KCNAB1: variants seen among roughly 807,000 people sequenced by gnomAD.
KCNAB1 encodes potassium voltage-gated channel subfamily A regulatory beta subunit 1.
KCNAB1 carries 35 observed loss-of-function variants against 64.6 expected under a neutral mutation model. That is an observed-to-expected ratio of 0.54 (90% CI 0.41 to 0.72). KCNAB1 has a LOEUF of 0.72. KCNAB1 is among the 30% of genes least tolerant of loss of function. KCNAB1 has a pLI of 0.00. For missense variants in KCNAB1, 401 were observed against 512.9 expected, an observed-to-expected ratio of 0.78 and a Z score of 2.11; for synonymous variants, 177 against 183.8, an observed-to-expected ratio of 0.96 and a Z score of 0.30.
At chr3:156,462,257 G>C (rs759148211) in intron 5 of KCNAB1, among the ~76,000 whole-genome samples, 1 of 152,182 alleles carries the variant, frequency 6.6e-6, no homozygotes, top group Non-Finnish European at 1.5e-5. Context: ...TATCCATATA[G>C]GCCAAATGTT....
intron 1 of KCNAB1, among the ~76,000 whole-genome samples, chr3:156,206,760 T>C (rs1714690875): frequency 6.6e-6 from 1 of 152,194 alleles, no homozygotes; most frequent in South Asian, 2.1e-4. Context: ...GACTTGTAGT[T>C]TTTCCTAAGT....
chr3:156,531,337 T>G (rs756501392), intron 12 of KCNAB1, 72 bp from the exon 13 acceptor site: 4 of 1,102,528 alleles, frequency 3.6e-6, no homozygotes, highest in Non-Finnish European at 5.6e-6. Flanking sequence ...CAAACAGCTG[T>G]AGCAGGTGTT....
chr3:156,197,631 A>G (rs1214771277), intron 1 of KCNAB1, among the ~76,000 whole-genome samples: 1 of 152,040 alleles, frequency 6.6e-6, no homozygotes, highest in African/African-American at 2.4e-5. Context: ...TTTCTGTGGG[A>G]CCAGTGGTGA....
In KCNAB1 at chr3:156,192,616, C is replaced by CT. The variant is rs888516472; in HGVS notation, c.275+71737dup. Among the ~76,000 whole-genome samples, 16 of 151,932 alleles carry CT rather than the reference C, an allele frequency of 1.1e-4. No individual in the cohort carries two copies. In the East Asian group the frequency reaches 1.9e-3, roughly 18 times the overall value. On this transcript the variant is annotated intron_variant, in intron 1 of 13. Coordinates refer to ENST00000490337, the MANE Select transcript of KCNAB1 (RefSeq NM_172160.3). ...TCTCCAAATGTGATGATAAATTTGC[C>CT]TTTTTTTGGCAATTCTATCAGTTTT...
intron 1 of KCNAB1, among the ~76,000 whole-genome samples, chr3:156,169,945 A>C (rs572320723): frequency 6.6e-6 from 1 of 152,280 alleles, no homozygotes; most frequent in South Asian, 2.1e-4. Context: ...TTCTGTTCAA[A>C]GTTCATTTTC....
intron 1 of KCNAB1, chr3:156,292,122 A>G: frequency 1.2e-6 from 2 of 1,613,896 alleles, no homozygotes; most frequent in Non-Finnish European, 1.7e-6. Context: ...ACTGGCATGA[A>G]ATATAGGTAT....
At chr3:156,241,732 T>A (rs1316852599) in intron 1 of KCNAB1, among the ~76,000 whole-genome samples, 1 of 152,176 alleles carries the variant, frequency 6.6e-6, no homozygotes, top group Non-Finnish European at 1.5e-5. Context: ...CTCTGTTTTT[T>A]TAAATTTATT....
intron 1 of KCNAB1, among the ~76,000 whole-genome samples, chr3:156,398,605 A>C (rs1007100875): frequency 5.9e-5 from 9 of 151,682 alleles, no homozygotes; most frequent in Non-Finnish European, 1.3e-4. Context: ...AAAAAAAAAA[A>C]AAACCTAGAT....
chr3:156,517,993 A>G (rs1447723266), intron 11 of KCNAB1, among the ~76,000 whole-genome samples: 2 of 152,364 alleles, frequency 1.3e-5, no homozygotes, highest in Non-Finnish European at 2.9e-5. Context: ...TTTTTAAAGG[A>G]GGAAGAAGTA....
intron 2 of KCNAB1, among the ~76,000 whole-genome samples, chr3:156,432,380 G>A (rs1309160909): frequency 6.6e-6 from 1 of 152,198 alleles, no homozygotes; most frequent in Admixed American, 6.5e-5. Context: ...CAAAGGATTA[G>A]TGAGACCTAA....
At chr3:156,263,542 A>G (rs1428620426) in intron 1 of KCNAB1, among the ~76,000 whole-genome samples, 1 of 152,058 alleles carries the variant, frequency 6.6e-6, no homozygotes, top group Non-Finnish European at 1.5e-5. Flanking sequence ...CTGGCCTAGC[A>G]TATGGTCCAT....
intron 1 of KCNAB1, among the ~76,000 whole-genome samples, chr3:156,310,579 A>G (rs548524925): frequency 1.3e-5 from 2 of 152,248 alleles, no homozygotes; most frequent in South Asian, 2.1e-4. Context: ...CAAGGGGGGC[A>G]GATCACGAGG....
intron 8 of KCNAB1, among the ~76,000 whole-genome samples, chr3:156,482,508 T>G (rs1714898008): frequency 6.9e-6 from 1 of 144,026 alleles, no homozygotes; most frequent in Non-Finnish European, 1.5e-5. Context: ...GTTATGGGGG[T>G]AGATTTTAGT....
In KCNAB1 at chr3:156,222,276, G is replaced by A. The variant is rs537907841; in HGVS notation, c.275+101390G>A. On this transcript the variant is annotated intron_variant, in intron 1 of 13. Transcript: ENST00000490337. ...TGGACACTAAAAGTGAGCAGAAGTA[G>A]CTATTCTTCTACCAGACAAAACAAA... Among the ~76,000 whole-genome samples the A allele has an allele frequency of 3.3e-5, 5 of 152,232 alleles. No homozygotes were observed. The East Asian group carries it at 9.6e-4, about 29-fold the overall frequency.
chr3:156,444,988 G>C (rs1261056636), intron 2 of KCNAB1, among the ~76,000 whole-genome samples: 8 of 152,254 alleles, frequency 5.3e-5, no homozygotes, highest in Non-Finnish European at 1.0e-4. Flanking sequence ...GAAGAAGAAA[G>C]GCAAGTCAGG....
At chr3:156,364,643 T>C (rs938526868) in intron 1 of KCNAB1, among the ~76,000 whole-genome samples, 9 of 152,192 alleles carry the variant, frequency 5.9e-5, no homozygotes, top group Non-Finnish European at 1.0e-4. Flanking sequence ...CCAGGTGTGG[T>C]GGTGCATGCC....
At chr3:156,157,497 T>A (rs911511400) in intron 1 of KCNAB1, among the ~76,000 whole-genome samples, 10 of 152,200 alleles carry the variant, frequency 6.6e-5, no homozygotes, top group African/African-American at 2.4e-4. Context: ...TAGAAAGACA[T>A]TGTGCTCTTA....
chr3:156,177,760 C>T lies in KCNAB1; in HGVS notation c.275+56874C>T, dbSNP rs150147576. Among the ~76,000 whole-genome samples, 156 of 149,266 alleles carry T rather than the reference C, an allele frequency of 1.0e-3. 1 individual carries two copies. Among genetic ancestry groups the T allele is most frequent in the African/African-American group, 3.7e-3 (149 of 40,508 alleles). On this transcript the variant is annotated intron_variant, in intron 1 of 13. Coordinates refer to ENST00000490337, the MANE Select transcript of KCNAB1 (RefSeq NM_172160.3). ...ACACAGGCATGCATATCTTCTTTTG[C>T]GACAGAGTCTCGCCCTGTCGCCCAG...
At chr3:156,274,602 A>G (rs1044921199) in intron 1 of KCNAB1, among the ~76,000 whole-genome samples, 2 of 152,208 alleles carry the variant, frequency 1.3e-5, no homozygotes, top group African/African-American at 4.8e-5. Context: ...TCTGTGATGT[A>G]GTCAAAAGTG....
Sources: allele counts gnomAD v4.1 joint callset (sites outside exome capture counted in the v4.1 genomes callset), GRCh38; gene constraint gnomAD v4.1.1; transcripts MANE v1.5; gene names NCBI Gene and HGNC (gene_info 2026-07-23, HGNC 2026-07-21).